Variants in PLEKHG3 observed in about 807,000 individuals in gnomAD.
PLEKHG3 encodes pleckstrin homology domain-containing family G member 3.
PLEKHG3 carries 62 observed loss-of-function variants against 94.9 expected under a neutral mutation model. That is an observed-to-expected ratio of 0.65 (90% CI 0.53 to 0.81). PLEKHG3 has a LOEUF of 0.81. Among genes scored for constraint, PLEKHG3 ranks in the 30% least tolerant of loss-of-function variants. The probability of loss-of-function intolerance (pLI) is 0.00; values close to 1 mark genes in which losing one functional copy is unlikely to be tolerated. For synonymous variants in PLEKHG3, 614 were observed against 654.0 expected, an observed-to-expected ratio of 0.94 and a Z score of 0.93; for missense variants, 1,461 against 1,619.3, an observed-to-expected ratio of 0.90 and a Z score of 1.68.
chr14:64,707,155 C>A (rs1184002916), intron 1 of PLEKHG3, among the ~76,000 whole-genome samples: 1 of 152,242 alleles, frequency 6.6e-6, no homozygotes, highest in Admixed American at 6.5e-5. Context: ...CATCCTCCCT[C>A]CTCAGCAGAA....
chr14:64,732,040 C>G lies in PLEKHG3; in HGVS notation c.1126-55C>G. ...GGGTGGAAGCACTGTCCATGCTAGA[C>G]AGCTTCAGGCCTGTAATGATAACCA... On this transcript the variant is annotated intron_variant, in intron 9 of 16. Transcript: ENST00000247226. The surrounding 1 kb of genome is among the most constrained non-coding windows in gnomAD (Gnocchi z 4.9). 7.6e-7 allele frequency: 1 copy of G among 1,309,250 alleles called. No individual in the cohort carries two copies. Among genetic ancestry groups the G allele is most frequent in the Non-Finnish European group, 1.1e-6 (1 of 902,146 alleles). The allele number at this position is 1,309,250 out of a possible 1,614,324, so 81.1% of individuals were successfully genotyped here. A position where few individuals can be genotyped will look rare whatever the true frequency, so the allele number is the denominator to read the frequency against.
chr14:64,742,357 C>T lies in PLEKHG3; in HGVS notation c.2840C>T (p.Pro947Leu). The T allele has an allele frequency of 6.2e-7, 1 of 1,613,078 alleles. No individual in the cohort carries two copies. Among genetic ancestry groups the T allele is most frequent in the Non-Finnish European group, 8.5e-7 (1 of 1,180,026 alleles). ...AGCAACAAGCCAGTGATGGCCAGGC[C>T]ACCACTGCAGTGGGAAAAGGTGGCC... ...IKSNKPVMAR[P>L]PLQWEKVAPE... is the part of the protein sequence containing the mutation. The change falls in exon 16 of 17, where the codon CCA (proline) becomes CTA (leucine). Residue 947 changes from proline to leucine, a missense_variant. Physicochemically the swap from Pro to Leu is moderately conservative, Grantham distance 98. Around this residue, in one of 3 missense-constraint regions of PLEKHG3, gnomAD observed 1,201 missense variants for 1,295.5 expected, o/e 0.93. Coordinates refer to ENST00000247226, the MANE Select transcript of PLEKHG3 (RefSeq NM_001308147.2).
rs1445309393 is a variant in PLEKHG3 at position 64,704,436 on chromosome 14, C to CCTCGCTCT, written c.-301_-300insTCTCGCTC. On this transcript the variant is annotated 5_prime_UTR_variant, in exon 1 of 17. Transcript: ENST00000247226. This position sits in a 1 kb window ranked among gnomAD's most constrained non-coding sequence, Gnocchi z 5.6. ...CCCTCGCTCCCTCGCTCCCTCGCTC[C>CCTCGCTCT]CTCGCTCCCTCCTGCCCTCCCGCTG... 1.2e-5 allele frequency: 2 copies of CCTCGCTCT among 164,314 alleles called. No homozygotes were observed. The highest frequency in any genetic ancestry group is 3.9e-4 in the South Asian group (2 of 5,076). The allele number at this position is 164,314 out of a possible 1,614,324, so 10.2% of individuals were successfully genotyped here.
In PLEKHG3 at chr14:64,748,358, T is replaced by G. The variant is rs1369062140; in HGVS notation, c.*4655T>G. ...CCCACACTGTCCCGTAGGGGGCCTATGTCTGTTGGATATTGCTGGTTTGGC... is the reference window on the plus strand; with the variant it reads ...CCCACACTGTCCCGTAGGGGGCCTAGGTCTGTTGGATATTGCTGGTTTGGC... On this transcript the variant is annotated 3_prime_UTR_variant, in exon 17 of 17. Coordinates refer to ENST00000247226, the MANE Select transcript of PLEKHG3 (RefSeq NM_001308147.2). 1 of 152,244 alleles carries G rather than the reference T, an allele frequency of 6.6e-6. No homozygotes were observed. Among genetic ancestry groups the G allele is most frequent in the Non-Finnish European group, 1.5e-5 (1 of 68,082 alleles). 9.4% of individuals were successfully genotyped at this position (152,244 alleles called of 1,614,324 possible). A position where few individuals can be genotyped will look rare whatever the true frequency, so the allele number is the denominator to read the frequency against.
In PLEKHG3 at chr14:64,743,302, G is replaced by GT; in HGVS notation, c.3260dup (p.Glu1088ArgfsTer122). Reference sequence around the variant, plus strand: ...GAGCCACTCGGTGCCGGAGAACATGGTAGAGCCACCTCTGTCGGGCAGGGT... The same window carrying GT: ...GAGCCACTCGGTGCCGGAGAACATGGTTAGAGCCACCTCTGTCGGGCAGGGT... On this transcript the variant is annotated frameshift_variant, in exon 17 of 17. Transcript: ENST00000247226. LOFTEE classifies it low-confidence loss of function (END_TRUNC). The surrounding 1 kb of genome is among the most constrained non-coding windows in gnomAD (Gnocchi z 7.2). 1 of 1,608,346 alleles carries GT rather than the reference G, an allele frequency of 6.2e-7. No homozygotes were observed. Among genetic ancestry groups the GT allele is most frequent in the Non-Finnish European group, 8.5e-7 (1 of 1,178,924 alleles).
At position 64,741,301 on chromosome 14, in the gene PLEKHG3, C is replaced by T; in HGVS notation, c.1784C>T (p.Pro595Leu). ...GAAQEPESLL[P>L]PSVLDQASVI... ...GCCCAGGAGCCTGAGAGCCTTCTGCCACCCTCTGTGCTGGACCAGGCCAGC... is the reference window on the plus strand; with the variant it reads ...GCCCAGGAGCCTGAGAGCCTTCTGCTACCCTCTGTGCTGGACCAGGCCAGC... Residue 595 changes from proline to leucine, a missense_variant, in exon 16 of 17, where the codon CCA (proline) becomes CTA (leucine). This residue lies in a region of PLEKHG3 where 1,201 missense variants were observed against 1,295.5 expected (regional missense o/e 0.93). Transcript: ENST00000247226. The T allele has an allele frequency of 6.2e-7, 1 of 1,613,774 alleles. No individual in the cohort carries two copies. The highest frequency in any genetic ancestry group is 1.3e-5 in the African/African-American group (1 of 75,042).
chr14:64,731,295 A>G lies in PLEKHG3; in HGVS notation c.850-66A>G. ...GTGGCATTGGGGGAGCCTTTGTGGCAGGGTTTGCAGAGCCTCCTAAGGCCC... is the reference window on the plus strand; with the variant it reads ...GTGGCATTGGGGGAGCCTTTGTGGCGGGGTTTGCAGAGCCTCCTAAGGCCC... On this transcript the variant is annotated intron_variant, in intron 7 of 16. Transcript: ENST00000247226. This position sits in a 1 kb window ranked among gnomAD's most constrained non-coding sequence, Gnocchi z 6.1. 1.3e-6 allele frequency: 2 copies of G among 1,491,618 alleles called. No homozygotes were observed. Among genetic ancestry groups the G allele is most frequent in the South Asian group, 1.1e-5 (1 of 87,572 alleles). 92.4% of individuals were successfully genotyped at this position (1,491,618 alleles called of 1,614,324 possible).
rs1031526747 is a variant in PLEKHG3 at position 64,718,711 on chromosome 14, T to C, written c.-39-8882T>C. ...GCTCTTTCATACACATTCTTCTGCT[T>C]TTCCTTTTTTTGATATTCCTCGTGA... On this transcript the variant is annotated intron_variant, in intron 1 of 16. Transcript: ENST00000247226. The surrounding 1 kb of genome is among the most constrained non-coding windows in gnomAD (Gnocchi z 5.0). 6.6e-6 allele frequency among the ~76,000 whole-genome samples: 1 copy of C among 152,158 alleles called. No individual in the cohort carries two copies. Among genetic ancestry groups the C allele is most frequent in the Non-Finnish European group, 1.5e-5 (1 of 68,018 alleles).
chr14:64,738,835 TC>T lies in PLEKHG3; in HGVS notation c.1500del (p.Ile501PhefsTer75). ...TACTGAGAAGCGCATGAGCTTCGAG[TC>T]CATTTCTTCCCTGCCAGAGGTGAGC... ...TSTEKRMSFE[S>X]ISSLPEVEPD... is the part of the protein sequence containing the mutation. On this transcript the variant is annotated frameshift_variant, in exon 15 of 17. Coordinates refer to ENST00000247226, the MANE Select transcript of PLEKHG3 (RefSeq NM_001308147.2). LOFTEE classifies it high-confidence loss of function. This position sits in a 1 kb window ranked among gnomAD's most constrained non-coding sequence, Gnocchi z 4.8. The T allele has an allele frequency of 6.3e-7, 1 of 1,584,882 alleles. No individual in the cohort carries two copies. Among genetic ancestry groups the T allele is most frequent in the South Asian group, 1.2e-5 (1 of 86,742 alleles).
rs1240841770 is a variant in PLEKHG3 at position 64,741,389 on chromosome 14, C to G, written c.1872C>G (p.Ser624Arg). 6.2e-7 allele frequency: 1 copy of G among 1,613,258 alleles called. No homozygotes were observed. The highest frequency in any genetic ancestry group is 1.3e-5 in the African/African-American group (1 of 74,958). ...GGAGCAGCGTGGCACAGGAGGACAG[C>G]AAGTCCAGTGGCTTTGGGAGCCCGC... ...SRRSSVAQED[S>R]KSSGFGSPRL... The change falls in exon 16 of 17, where the codon AGC becomes AGG. Residue 624 changes from serine (S) to arginine (R), a missense_variant. By Grantham distance (110) the Ser-to-Arg change is moderately radical. Around this residue, in one of 3 missense-constraint regions of PLEKHG3, gnomAD observed 1,201 missense variants for 1,295.5 expected, o/e 0.93. Transcript: ENST00000247226.
rs754349445 is a variant in PLEKHG3, at chr14:64,737,346, A to C, written c.1385-10A>C. On this transcript the variant is annotated splice_polypyrimidine_tract_variant and intron_variant, in intron 13 of 16. Coordinates refer to ENST00000247226, the MANE Select transcript of PLEKHG3 (RefSeq NM_001308147.2). ...CCGTGTGCTGGGGGACCCGGTGGTG[A>C]TGTCTGCAGCCCGAGCAGCAGGAAT... 1.2e-5 allele frequency: 19 copies of C among 1,603,686 alleles called. No individual in the cohort carries two copies. The highest frequency in any genetic ancestry group is 1.5e-5 in the Non-Finnish European group (18 of 1,175,532).
At chr14:64,729,433 C>A (rs916095335) in intron 3 of PLEKHG3, among the ~76,000 whole-genome samples, 41 of 152,212 alleles carry the variant, frequency 2.7e-4, no homozygotes, top group African/African-American at 9.4e-4. Flanking sequence ...ATTTGCACAT[C>A]TGTTAATTTC....
rs58789159 is a variant in PLEKHG3 at position 64,725,618 on chromosome 14, C to T, written c.-39-1975C>T. ...AATTCCCAGGGGGCTCTCTTCTGAG[C>T]AGCTCAAAGAGCTTTACCAAAATGA... On this transcript the variant is annotated intron_variant, in intron 1 of 16. Coordinates refer to ENST00000247226, the MANE Select transcript of PLEKHG3 (RefSeq NM_001308147.2). The surrounding 1 kb of genome is among the most constrained non-coding windows in gnomAD (Gnocchi z 5.0). 0.12 allele frequency among the ~76,000 whole-genome samples: 18,856 copies of T among 152,252 alleles called. 1,264 individuals carry two copies. Among genetic ancestry groups the T allele is most frequent in the Middle Eastern group, 0.18 (53 of 294 alleles).
intron 12 of PLEKHG3, among the ~76,000 whole-genome samples, chr14:64,735,094 G>A (rs1008938317): frequency 1.4e-4 from 21 of 152,150 alleles, no homozygotes; most frequent in Admixed American, 1.3e-3. Context: ...GCTGGCCACC[G>A]TTGAACCTTT....
chr14:64,744,034 C>T lies in PLEKHG3; in HGVS notation c.*331C>T. On this transcript the variant is annotated 3_prime_UTR_variant, in exon 17 of 17. Transcript: ENST00000247226. ...TGCTCAGGCCTCCAGCGTTGGCTGG[C>T]CATGGCCACAGCCAGATGGAGGAGC... 1 of 203,186 alleles carries T rather than the reference C, an allele frequency of 4.9e-6. No individual in the cohort carries two copies. The highest frequency in any genetic ancestry group is 9.8e-6 in the Non-Finnish European group (1 of 101,538). 12.6% of individuals were successfully genotyped at this position (203,186 alleles called of 1,614,324 possible). A position where few individuals can be genotyped will look rare whatever the true frequency, so the allele number is the denominator to read the frequency against.
intron 3 of PLEKHG3, among the ~76,000 whole-genome samples, chr14:64,729,298 G>A (rs2081412464): frequency 1.3e-5 from 2 of 152,162 alleles, no homozygotes; most frequent in Non-Finnish European, 2.9e-5. Flanking sequence ...GTAATTTGAG[G>A]TTGTGTGCAT....
At chr14:64,709,761 G>A (rs1487235858) in intron 1 of PLEKHG3, among the ~76,000 whole-genome samples, 1 of 151,360 alleles carries the variant, frequency 6.6e-6, no homozygotes, top group East Asian at 1.9e-4. Flanking sequence ...GTGTGTGTGT[G>A]TGTGTAGTAT....
rs370207013 is a variant in PLEKHG3, at chr14:64,749,315, T to C, written c.*5612T>C. The stretch of plus-strand genomic sequence containing the variant: ...CCGCCAGCCCCACCTGCTACTTCTT[T>C]TTGGGGAAGAAGCTGAATCTCTTCT... On this transcript the variant is annotated 3_prime_UTR_variant, in exon 17 of 17. Transcript: ENST00000247226. The surrounding 1 kb of genome is among the most constrained non-coding windows in gnomAD (Gnocchi z 4.7). 5.6e-6 allele frequency: 9 copies of C among 1,603,996 alleles called. No homozygotes were observed. The African/African-American group carries it at 8.0e-5, about 14-fold the overall frequency.
chr14:64,737,030 C>T (rs2139391458), intron 13 of PLEKHG3, 139 bp downstream of exon 13: 1 of 754,458 alleles, frequency 1.3e-6, no homozygotes, highest in South Asian at 1.5e-5. Flanking sequence ...CTCCATTCCC[C>T]CCAGAAGAGG....
Sources: allele counts gnomAD v4.1 joint callset (sites outside exome capture counted in the v4.1 genomes callset), GRCh38; gene constraint gnomAD v4.1.1; regional missense constraint gnomAD v4.1.1; non-coding constraint Gnocchi (gnomAD v3.1); transcripts MANE v1.5; gene names NCBI Gene and HGNC (gene_info 2026-07-23, HGNC 2026-07-21).